The following MICU3 variants were observed in gnomAD, a reference collection of about 807,000 sequenced individuals.
MICU3 encodes the protein calcium uptake protein 3, mitochondrial.
In MICU3, 62 loss-of-function variants were observed where a neutral mutation model predicts 66.5. The ratio of observed to expected loss-of-function variants is 0.93; its 90% confidence interval spans 0.76 to 1.15. The LOEUF (loss-of-function observed/expected upper bound fraction) is 1.15, where lower values mean the gene tolerates loss of function less well. MICU3 is among the 50% of genes most tolerant of loss of function. The probability of loss-of-function intolerance (pLI) is 0.00; values close to 1 mark genes in which losing one functional copy is unlikely to be tolerated. For missense variants in MICU3, 779 were observed against 664.4 expected (o/e 1.17, Z -1.90); for synonymous variants, 308 against 240.7 (o/e 1.28, Z -2.59).
intron 9 of MICU3, among the ~76,000 whole-genome samples, chr8:17,101,327 G>A (rs1452200943): frequency 6.6e-6 from 1 of 151,782 alleles, no homozygotes; most frequent in Non-Finnish European, 1.5e-5. Flanking sequence ...CAGTCCTTGG[G>A]TGATGTAAGT....
At chr8:17,032,283 A>G (rs949408336) in intron 1 of MICU3, among the ~76,000 whole-genome samples, 3 of 152,204 alleles carry the variant, frequency 2.0e-5, no homozygotes, top group African/African-American at 7.2e-5. Flanking sequence ...TATTTATATT[A>G]TAAAGAGATG....
intron 4 of MICU3, among the ~76,000 whole-genome samples, chr8:17,080,980 A>G (rs1200467145): frequency 1.3e-5 from 2 of 152,150 alleles, no homozygotes; most frequent in African/African-American, 2.4e-5. Context: ...GAAGCACTAA[A>G]TCTAGTTTTG....
intron 2 of MICU3, among the ~76,000 whole-genome samples, chr8:17,065,574 CAT>C (rs1181954532): frequency 6.6e-6 from 1 of 151,976 alleles, no homozygotes. Flanking sequence ...TGGCCAGAGA[CAT>C]AGGAAGAAAA....
At chr8:17,123,287 A>G (rs570900437), downstream of MICU3, among the ~76,000 whole-genome samples, 1 of 152,244 alleles carries the variant, frequency 6.6e-6, no homozygotes, top group African/African-American at 2.4e-5. Context: ...AAAATGGAGG[A>G]ATATACCTAT....
At chr8:17,114,725 T>A (rs879906607) in intron 12 of MICU3, among the ~76,000 whole-genome samples, 1 of 152,184 alleles carries the variant, frequency 6.6e-6, no homozygotes, top group South Asian at 2.1e-4. Context: ...CCTCTCCTCA[T>A]GGCCATGTCC....
the MICU3 span, among the ~76,000 whole-genome samples, chr8:17,133,920 C>A: frequency 6.6e-6 from 1 of 152,154 alleles, no homozygotes; most frequent in Non-Finnish European, 1.5e-5. Context: ...CATTGTTTTA[C>A]TTACTTTATA....
chr8:17,122,987 T>C (rs147029294), downstream of MICU3, among the ~76,000 whole-genome samples: 352 of 152,170 alleles, frequency 2.3e-3, no homozygotes, highest in African/African-American at 8.1e-3. Flanking sequence ...CAAAATACAC[T>C]AGTTATTATC....
downstream of MICU3, among the ~76,000 whole-genome samples, chr8:17,126,381 A>G (rs1461415456): frequency 1.3e-5 from 2 of 152,170 alleles, no homozygotes; most frequent in African/African-American, 2.4e-5. Context: ...GTCCTTGAGA[A>G]AGAAACCTAT....
At chr8:17,044,988 A>G (rs1452239685) in intron 1 of MICU3, among the ~76,000 whole-genome samples, 1 of 152,168 alleles carries the variant, frequency 6.6e-6, no homozygotes, top group Admixed American at 6.5e-5. Flanking sequence ...TCTAACTGCA[A>G]CAAAGCCTGA....
At chr8:17,042,494 C>T (rs1814318654) in intron 1 of MICU3, among the ~76,000 whole-genome samples, 1 of 152,134 alleles carries the variant, frequency 6.6e-6, no homozygotes, top group African/African-American at 2.4e-5. Flanking sequence ...TTATTATTTT[C>T]TTCCCTTTCC....
At chr8:17,104,981 C>A in intron 10 of MICU3, among the ~76,000 whole-genome samples, 1 of 26,176 alleles carries the variant, frequency 3.8e-5, no homozygotes, top group Non-Finnish European at 5.2e-5. Context: ...GGCGACAGAG[C>A]GAGACTCCGT....
chr8:17,095,663 C>T (rs1800599676), intron 8 of MICU3, among the ~76,000 whole-genome samples: 1 of 151,854 alleles, frequency 6.6e-6, no homozygotes. Context: ...CATTATTCTG[C>T]TTAGCACAGT....
chr8:17,078,195 A>G (rs1820664373), intron 4 of MICU3, among the ~76,000 whole-genome samples: 1 of 152,046 alleles, frequency 6.6e-6, no homozygotes, highest in South Asian at 2.1e-4. Flanking sequence ...CAAAGAAAAC[A>G]TTTCACAAAA....
At chr8:17,075,164 A>T (rs372690883) in intron 3 of MICU3, among the ~76,000 whole-genome samples, 4 of 152,120 alleles carry the variant, frequency 2.6e-5, no homozygotes, top group Admixed American at 1.3e-4. Flanking sequence ...CAGAGCTTCT[A>T]TGCCTTCTTT....
intron 1 of MICU3, among the ~76,000 whole-genome samples, chr8:17,030,239 C>A (rs1168722940): frequency 1.3e-5 from 2 of 152,036 alleles, no homozygotes; most frequent in East Asian, 1.9e-4. Flanking sequence ...TTTTTTATTT[C>A]TGTTTGATTT....
At chr8:17,132,077 A>G in the MICU3 span, 1 of 152,222 alleles carries the variant, frequency 6.6e-6, no homozygotes, top group African/African-American at 2.4e-5. Flanking sequence ...CTGTGGCTAT[A>G]TTAATTGCCC....
intron 11 of MICU3, among the ~76,000 whole-genome samples, chr8:17,112,009 A>G (rs1802243982): frequency 6.6e-6 from 1 of 152,184 alleles, no homozygotes; most frequent in African/African-American, 2.4e-5. Context: ...ACTGCCATTT[A>G]TAAGACCATC....
intron 9 of MICU3, among the ~76,000 whole-genome samples, chr8:17,103,510 G>C (rs969604014): frequency 2.0e-5 from 3 of 151,718 alleles, no homozygotes; most frequent in Non-Finnish European, 4.4e-5. Context: ...GTGTAGGAGA[G>C]TTATAGTCCT....
intron 1 of MICU3, among the ~76,000 whole-genome samples, chr8:17,039,207 A>G (rs1401373247): frequency 6.6e-6 from 1 of 152,222 alleles, no homozygotes; most frequent in Non-Finnish European, 1.5e-5. Flanking sequence ...GGCTAATTGT[A>G]GCATAAACAT....
Sources: gnomAD v4.1 joint callset for allele counts (sites outside exome capture counted in the v4.1 genomes callset) on GRCh38, gnomAD v4.1.1 for gene constraint, MANE v1.5 for transcripts, NCBI Gene and HGNC (gene_info 2026-07-23, HGNC 2026-07-21) for gene names.